The following EPB41L2 variants were observed in gnomAD, a reference collection of about 807,000 sequenced individuals.
EPB41L2 encodes the protein erythrocyte membrane protein band 4.1 like 2.
A neutral mutation model predicts 113.0 loss-of-function variants in EPB41L2; 43 were observed. The ratio of observed to expected loss-of-function variants is 0.38; its 90% confidence interval spans 0.30 to 0.49. The LOEUF (loss-of-function observed/expected upper bound fraction) is 0.49. EPB41L2 is among the 20% of genes least tolerant of loss of function. The pLI is 0.95. For synonymous variants in EPB41L2, 442 were observed against 436.7 expected, an observed-to-expected ratio of 1.01 and a Z score of -0.15; for missense variants, 1,147 against 1,223.4, an observed-to-expected ratio of 0.94 and a Z score of 0.93.
chr6:130,995,231 G>A (rs1473188533), intron 1 of EPB41L2, among the ~76,000 whole-genome samples: 3 of 152,204 alleles, frequency 2.0e-5, no homozygotes, highest in African/African-American at 7.2e-5. Flanking sequence ...AGCTACTCGG[G>A]AGGCTGAGGA....
At chr6:130,945,619 C>T (rs907516030) in intron 3 of EPB41L2, among the ~76,000 whole-genome samples, 1 of 152,142 alleles carries the variant, frequency 6.6e-6, no homozygotes, top group Admixed American at 6.5e-5. Flanking sequence ...TATTTGCAAA[C>T]TTTAAAACAC....
intron 1 of EPB41L2, among the ~76,000 whole-genome samples, chr6:131,036,125 T>G (rs975714145): frequency 7.4e-4 from 113 of 152,204 alleles, no homozygotes; most frequent in African/African-American, 2.6e-3. Context: ...AAAACTGACT[T>G]AAAGGATGAT....
intron 1 of EPB41L2, among the ~76,000 whole-genome samples, chr6:130,993,029 A>G (rs1782252531): frequency 6.6e-6 from 1 of 152,194 alleles, no homozygotes; most frequent in Admixed American, 6.5e-5. Context: ...ACTGGGCACA[A>G]ATTTATTTCA....
chr6:130,944,091 C>G (rs1025332289), intron 3 of EPB41L2, among the ~76,000 whole-genome samples: 2 of 151,360 alleles, frequency 1.3e-5, no homozygotes, highest in African/African-American at 4.9e-5. Context: ...TTCCAAGCAT[C>G]TGAAAAGCAG....
At chr6:131,007,016 C>T (rs1785729367) in intron 1 of EPB41L2, among the ~76,000 whole-genome samples, 1 of 152,194 alleles carries the variant, frequency 6.6e-6, no homozygotes, top group African/African-American at 2.4e-5. Context: ...TTTATGGTTA[C>T]ATTTACCTTG....
intron 1 of EPB41L2, among the ~76,000 whole-genome samples, chr6:131,032,596 C>T (rs187378999): frequency 2.6e-5 from 4 of 152,194 alleles, no homozygotes; most frequent in East Asian, 3.9e-4. Flanking sequence ...CCCAAGGACT[C>T]GAGCCTGGAA....
intron 16 of EPB41L2, among the ~76,000 whole-genome samples, chr6:130,867,033 A>G (rs996767376): frequency 2.0e-5 from 3 of 152,146 alleles, no homozygotes; most frequent in Non-Finnish European, 4.4e-5. Flanking sequence ...GATTGGGTCA[A>G]TCTTCACGGA....
At chr6:130,935,065 G>A (rs1372198514) in intron 3 of EPB41L2, among the ~76,000 whole-genome samples, 2 of 152,110 alleles carry the variant, frequency 1.3e-5, no homozygotes, top group Non-Finnish European at 2.9e-5. Flanking sequence ...GATTATGACA[G>A]AATATTGGGG....
chr6:130,906,823 A>T (rs1329116609), intron 5 of EPB41L2, among the ~76,000 whole-genome samples: 6 of 152,184 alleles, frequency 3.9e-5, no homozygotes, highest in Non-Finnish European at 8.8e-5. Context: ...AGGTAGATAC[A>T]ACTGCTAAAG....
chr6:131,043,718 C>G (rs1389869514), intron 1 of EPB41L2, among the ~76,000 whole-genome samples: 1 of 152,152 alleles, frequency 6.6e-6, no homozygotes, highest in Non-Finnish European at 1.5e-5. Flanking sequence ...AAATGGAAAT[C>G]TGAACACAGT....
intron 1 of EPB41L2, among the ~76,000 whole-genome samples, chr6:131,021,487 T>G (rs935335177): frequency 2.0e-5 from 3 of 151,954 alleles, no homozygotes. Context: ...GGGAATCCTA[T>G]TTAAAAATGG....
intron 5 of EPB41L2, among the ~76,000 whole-genome samples, 180 bp downstream of exon 5, chr6:130,908,641 A>G (rs1219407632): frequency 1.3e-5 from 2 of 152,206 alleles, no homozygotes; most frequent in Admixed American, 6.5e-5. Flanking sequence ...CCTTCCCAAA[A>G]GTAGGAGCAC....
chr6:130,966,897 G>A (rs758762139), intron 1 of EPB41L2, among the ~76,000 whole-genome samples: 14 of 152,056 alleles, frequency 9.2e-5, no homozygotes, highest in Non-Finnish European at 1.9e-4. Context: ...ATTTCCTAGC[G>A]TATGAAGGTT....
chr6:130,972,952 A>C (rs1046200021), intron 1 of EPB41L2, among the ~76,000 whole-genome samples: 6 of 149,474 alleles, frequency 4.0e-5, no homozygotes, highest in Admixed American at 2.7e-4. Context: ...AAAAAAAAAA[A>C]AAAAAAAAAA....
intron 5 of EPB41L2, among the ~76,000 whole-genome samples, chr6:130,907,616 G>A (rs1466790728): frequency 6.6e-6 from 1 of 152,002 alleles, no homozygotes; most frequent in Non-Finnish European, 1.5e-5. Context: ...AAAGAAAGAT[G>A]AGTCTACAGG....
intron 1 of EPB41L2, among the ~76,000 whole-genome samples, chr6:131,007,009 A>G (rs1191749741): frequency 2.0e-5 from 3 of 152,134 alleles, no homozygotes; most frequent in African/African-American, 7.2e-5. Context: ...CGCCCTATTT[A>G]TGGTTACATT....
intron 14 of EPB41L2, among the ~76,000 whole-genome samples, chr6:130,872,719 G>A (rs1786167005): frequency 1.3e-5 from 2 of 152,168 alleles, no homozygotes; most frequent in South Asian, 4.1e-4. Flanking sequence ...GTGAGCGCCA[G>A]CTTTTCCACC....
At chr6:130,906,490 G>A (rs1054344615) in intron 5 of EPB41L2, among the ~76,000 whole-genome samples, 1 of 152,110 alleles carries the variant, frequency 6.6e-6, no homozygotes, top group Admixed American at 6.5e-5. Flanking sequence ...CAGTTTTCAA[G>A]TTAAACTTTT....
At chr6:130,952,053 G>A (rs556521681) in intron 3 of EPB41L2, among the ~76,000 whole-genome samples, 1 of 152,252 alleles carries the variant, frequency 6.6e-6, no homozygotes, top group Admixed American at 6.5e-5. Flanking sequence ...ATAACCTAGT[G>A]AAAGCTGACA....
Sources: gnomAD v4.1 joint callset for allele counts (sites outside exome capture counted in the v4.1 genomes callset) on GRCh38, gnomAD v4.1.1 for gene constraint, MANE v1.5 for transcripts, NCBI Gene and HGNC (gene_info 2026-07-23, HGNC 2026-07-21) for gene names.